The following ARHGEF37 variants were observed in gnomAD, a reference collection of about 807,000 sequenced individuals.
The protein encoded by ARHGEF37 is Rho guanine nucleotide exchange factor (GEF) 37.
A neutral mutation model predicts 71.1 loss-of-function variants in ARHGEF37; 55 were observed. The observed-to-expected ratio is 0.77, with a 90% CI of 0.62 to 0.97. The LOEUF is 0.97. Among genes scored for constraint, ARHGEF37 ranks in the 50% least tolerant of loss-of-function variants. The pLI is 0.00. For missense variants in ARHGEF37, 765 were observed against 836.8 expected (o/e 0.91, Z 1.06); for synonymous variants, 327 against 350.6 (o/e 0.93, Z 0.75).
In ARHGEF37 at chr5:149,576,218, C is replaced by G. The variant is rs1251110168; in HGVS notation, c.-11-21541C>G. 7.9e-5 allele frequency among the ~76,000 whole-genome samples: 12 copies of G among 152,334 alleles called. No homozygotes were observed. The South Asian group carries it at 1.0e-3, about 13-fold the overall frequency. ...CAACATCATGCCATTGCACTCCACC[C>G]TGAGTGACAAAGCGAGACTCCGTCT... On this transcript the variant is annotated intron_variant, in intron 1 of 2. Coordinates refer to the ARHGEF37 transcript ENST00000505810.
intron 2 of ARHGEF37, among the ~76,000 whole-genome samples, chr5:149,598,799 G>T (rs977227676): frequency 7.4e-6 from 1 of 135,276 alleles, no homozygotes; most frequent in Non-Finnish European, 1.6e-5. Flanking sequence ...TAGATATATA[G>T]ATATATATAT....
rs756603188 is a variant in ARHGEF37 at position 149,627,123 on chromosome 5, G to A, written c.1512G>A (p.Arg504=). ...SERQVQALLS[R]YGPGKLYQVT... The stretch of plus-strand genomic sequence containing the variant: ...GCCAGGTGCAGGCTCTCCTGAGCAG[G>A]TATGGCCCTGGGAAGCTGTACCAGG... Residue 504 remains arginine, a synonymous_variant, in exon 11 of 13, where the codon AGG becomes AGA. Transcript: ENST00000333677. The A allele has an allele frequency of 1.2e-6, 2 of 1,614,038 alleles. No homozygotes were observed. The highest frequency in any genetic ancestry group is 2.2e-5 in the East Asian group (1 of 44,890).
At chr5:149,627,330 G>C in intron 11 of ARHGEF37, 59 bp downstream of exon 11, 2 of 1,557,322 alleles carry the variant, frequency 1.3e-6, no homozygotes, top group Non-Finnish European at 1.7e-6. Flanking sequence ...CACAGAAGCC[G>C]GTGCAGAGAC....
chr5:149,562,512 G>A (rs555673009), intron 1 of ARHGEF37, among the ~76,000 whole-genome samples: 51 of 152,030 alleles, frequency 3.4e-4, no homozygotes, highest in Admixed American at 6.6e-4. Flanking sequence ...GCAGTGGCGC[G>A]ATCTCGGCTC....
Position 149,581,590 on chromosome 5 carries a change from G to C in ARHGEF37, c.-46G>C, listed in dbSNP as rs1180033803. ...GCTGTTGCCCGGGCGGCCGACCTCC[G>C]TGCGTGAGCGCCGGCAGGCACCTTG... On this transcript the variant is annotated 5_prime_UTR_variant, in exon 1 of 13. Transcript: ENST00000333677. 6.6e-6 allele frequency: 1 copy of C among 152,140 alleles called. No individual in the cohort carries two copies. The highest frequency in any genetic ancestry group is 1.5e-5 in the Non-Finnish European group (1 of 68,042). The allele number at this position is 152,140 out of a possible 1,614,324, so 9.4% of individuals were successfully genotyped here.
chr5:149,621,432 T>A (rs150964736), intron 8 of ARHGEF37, among the ~76,000 whole-genome samples: 1,801 of 151,742 alleles, frequency 0.012, 35 homozygotes, highest in African/African-American at 0.042. Flanking sequence ...AGTGAGACCC[T>A]GTCTCAAAAA....
intron 1 of ARHGEF37, among the ~76,000 whole-genome samples, chr5:149,589,276 T>A (rs1333072518): frequency 6.6e-6 from 1 of 152,132 alleles, no homozygotes. Context: ...GATGCCCATA[T>A]CATTTTTTAA....
chr5:149,626,977 GC>G, intron 10 of ARHGEF37, 98 bp from the exon 11 acceptor site: 9 of 1,313,648 alleles, frequency 6.9e-6, no homozygotes, highest in Non-Finnish European at 8.5e-6. Context: ...TTAGGATCAG[GC>G]CCAGTACTCC....
Position 149,618,242 on chromosome 5 carries a change from C to CA in ARHGEF37, c.725_726insA (p.Leu243ProfsTer28). The CA allele has an allele frequency of 6.2e-7, 1 of 1,614,272 alleles. No individual in the cohort carries two copies. Among genetic ancestry groups the CA allele is most frequent in the Non-Finnish European group, 8.5e-7 (1 of 1,180,046 alleles). On this transcript the variant is annotated frameshift_variant, in exon 6 of 13. Coordinates refer to ENST00000333677, the MANE Select transcript of ARHGEF37 (RefSeq NM_001001669.3). LOFTEE classifies it high-confidence loss of function. ...CGGCTGGCCCGCATCAACACACACA[C>CA]CCTCTCCAAGAAGACCACCCGGCTG... is the stretch of plus-strand genomic sequence containing the variant.
At chr5:149,614,815 C>A (rs1457634105) in intron 4 of ARHGEF37, among the ~76,000 whole-genome samples, 1 of 152,158 alleles carries the variant, frequency 6.6e-6, no homozygotes, top group Non-Finnish European at 1.5e-5. Flanking sequence ...CTTTCCTGGA[C>A]ATTTGGTCTG....
At chr5:149,631,180 C>CT (rs746935448) in intron 12 of ARHGEF37, among the ~76,000 whole-genome samples, 253 of 126,860 alleles carry the variant, frequency 2.0e-3, no homozygotes, top group Middle Eastern at 4.2e-3. Flanking sequence ...TTCTTTTTTT[C>CT]TTTTTTTTTT....
chr5:149,620,555 C>A (rs556938773), intron 8 of ARHGEF37, 91 bp downstream of exon 8: 1 of 1,017,840 alleles, frequency 9.8e-7, no homozygotes, highest in South Asian at 1.7e-5. Context: ...TTTGGCCAGG[C>A]GTGGTGGCTC....
exon 1 of ARHGEF37, chr5:149,552,002 C>T (rs1025822033): frequency 6.6e-6 from 1 of 151,994 alleles, no homozygotes; most frequent in Admixed American, 6.6e-5. Flanking sequence ...CTATCTACTA[C>T]GGAGTGTTAT....
intron 2 of ARHGEF37, among the ~76,000 whole-genome samples, chr5:149,600,558 C>T (rs1763720921): frequency 6.6e-6 from 1 of 152,188 alleles, no homozygotes; most frequent in East Asian, 1.9e-4. Context: ...TGGCAGCAGA[C>T]CTAGGCTAAA....
Position 149,584,771 on chromosome 5 carries a change from G to A in ARHGEF37, c.-12+3147G>A, listed in dbSNP as rs537538897. On this transcript the variant is annotated intron_variant, in intron 1 of 12. Transcript: ENST00000333677. ...ATTGTAGCTGGGATTACAGGCATGT[G>A]CCACCACTTCTGGCTAATTTTTGTA... Among the ~76,000 whole-genome samples, 243 of 152,098 alleles carry A rather than the reference G, an allele frequency of 1.6e-3. 1 individual carries two copies. Among genetic ancestry groups the A allele is most frequent in the Middle Eastern group, 3.4e-3 (1 of 294 alleles).
intron 1 of ARHGEF37, among the ~76,000 whole-genome samples, chr5:149,564,828 A>C (rs1315241133): frequency 6.6e-6 from 1 of 152,220 alleles, no homozygotes; most frequent in East Asian, 1.9e-4. Flanking sequence ...CTCTCAAAAA[A>C]ACAAAACAAC....
intron 10 of ARHGEF37, chr5:149,626,820 A>C (rs1437669829): frequency 2.9e-6 from 1 of 347,562 alleles, no homozygotes; most frequent in East Asian, 4.5e-5. Context: ...GAGTTCAGTA[A>C]CTGAGAGATT....
intron 3 of ARHGEF37, among the ~76,000 whole-genome samples, chr5:149,607,109 G>T (rs944984434): frequency 2.6e-5 from 4 of 152,084 alleles, no homozygotes; most frequent in Admixed American, 6.5e-5. Flanking sequence ...CGCTATGTTG[G>T]CCAGGCTGGT....
chr5:149,552,730 C>G (rs915636190), intron 1 of ARHGEF37, among the ~76,000 whole-genome samples: 12 of 151,682 alleles, frequency 7.9e-5, no homozygotes, highest in African/African-American at 2.7e-4. Flanking sequence ...CCCAGCTATT[C>G]GGGAGTCTGA....
Sources: gnomAD v4.1 joint callset for allele counts (sites outside exome capture counted in the v4.1 genomes callset) on GRCh38, gnomAD v4.1.1 for gene constraint, MANE v1.5 for transcripts, NCBI Gene and HGNC (gene_info 2026-07-23, HGNC 2026-07-21) for gene names.